The following PLD5 variants were observed in gnomAD, a reference collection of about 807,000 sequenced individuals.
The protein encoded by PLD5 is inactive phospholipase D5.
A neutral mutation model predicts 61.1 loss-of-function variants in PLD5; 36 were observed. The observed-to-expected ratio is 0.59, with a 90% CI of 0.45 to 0.78. PLD5 has a LOEUF of 0.78. PLD5 is among the 30% of genes least tolerant of loss of function. The pLI, the probability that PLD5 is intolerant of heterozygous loss-of-function variation, is 0.00. For synonymous variants in PLD5, 243 were observed against 242.8 expected (o/e 1.00, Z -0.01); for missense variants, 515 against 644.4 (o/e 0.80, Z 2.17).
chr1:242,506,936 C>T (rs1668742188), intron 1 of PLD5, among the ~76,000 whole-genome samples: 2 of 152,182 alleles, frequency 1.3e-5, no homozygotes, highest in Admixed American at 6.5e-5. Context: ...CAACGCGGTA[C>T]TAACGGTGAT....
intron 1 of PLD5, among the ~76,000 whole-genome samples, chr1:242,402,090 G>A (rs59825488): frequency 0.15 from 22,323 of 152,214 alleles, 1,729 homozygotes; most frequent in African/African-American, 0.2. Flanking sequence ...CAGTGTTGCT[G>A]AGAAAATGAC....
chr1:242,152,719 G>A (rs866279363), intron 5 of PLD5, among the ~76,000 whole-genome samples: 1 of 152,104 alleles, frequency 6.6e-6, no homozygotes, highest in African/African-American at 2.4e-5. Context: ...GTATTCCATG[G>A]TGTATATGTG....
intron 1 of PLD5, among the ~76,000 whole-genome samples, chr1:242,504,637 G>C (rs1668663067): frequency 6.6e-6 from 1 of 151,922 alleles, no homozygotes; most frequent in Admixed American, 6.6e-5. Flanking sequence ...GAAACTTATA[G>C]CTTACATTTA....
Position 242,394,262 on chromosome 1 carries a change from GTATGAGTATATATATGTGTATATA to G in PLD5, c.190-46044_190-46021del, listed in dbSNP as rs1463628459. 3.5e-4 allele frequency among the ~76,000 whole-genome samples: 28 copies of G among 81,108 alleles called. 4 individuals are homozygous for G. The highest frequency in any genetic ancestry group is 9.6e-3 in the Middle Eastern group (1 of 104). The allele number at this position is 81,108 out of a possible 152,430, so 53.2% of individuals were successfully genotyped here. A position where few individuals can be genotyped will look rare whatever the true frequency, so the allele number is the denominator to read the frequency against. The stretch of plus-strand genomic sequence containing the variant: ...AGTATATATATGTGTATATATATGA[GTATGAGTATATATATGTGTATATA>G]TATGAGTATATATATGAGTATATAT... On this transcript the variant is annotated intron_variant, in intron 1 of 9. Coordinates refer to ENST00000536534, the MANE Select transcript of PLD5 (RefSeq NM_001372062.1).
At chr1:242,135,664 A>G (rs1663661227) in intron 5 of PLD5, among the ~76,000 whole-genome samples, 1 of 151,948 alleles carries the variant, frequency 6.6e-6, no homozygotes, top group Non-Finnish European at 1.5e-5. Context: ...TTGGCATGAA[A>G]ATAGTTAACA....
intron 2 of PLD5, among the ~76,000 whole-genome samples, chr1:242,328,218 A>G (rs1217675425): frequency 1.3e-5 from 2 of 152,224 alleles, no homozygotes; most frequent in Non-Finnish European, 2.9e-5. Flanking sequence ...GATTCTCCAC[A>G]GGACACAACC....
At chr1:242,493,046 A>C (rs2102979258) in intron 1 of PLD5, among the ~76,000 whole-genome samples, 1 of 152,292 alleles carries the variant, frequency 6.6e-6, no homozygotes, top group African/African-American at 2.4e-5. Context: ...AAAGCAAGAA[A>C]CCAACCTGAC....
chr1:242,094,482 T>C (rs1180041762), intron 9 of PLD5, among the ~76,000 whole-genome samples: 3 of 152,184 alleles, frequency 2.0e-5, no homozygotes, highest in Non-Finnish European at 4.4e-5. Context: ...TTCTCAACTC[T>C]GCGTTCTCAG....
chr1:242,497,671 T>C (rs955572485), intron 1 of PLD5, among the ~76,000 whole-genome samples: 2 of 152,248 alleles, frequency 1.3e-5, no homozygotes, highest in Non-Finnish European at 1.5e-5. Context: ...AGAAATTAAA[T>C]GAGATAACAT....
chr1:242,283,142 A>G (rs1674814151), intron 3 of PLD5, among the ~76,000 whole-genome samples: 1 of 152,268 alleles, frequency 6.6e-6, no homozygotes, highest in Non-Finnish European at 1.5e-5. Flanking sequence ...AAAATAAAAA[A>G]GCACATATTC....
chr1:242,149,664 T>TAC (rs201893348), intron 5 of PLD5, among the ~76,000 whole-genome samples: 2,184 of 137,918 alleles, frequency 0.016, 27 homozygotes, highest in Non-Finnish European at 0.022. Context: ...TTAAGTTTTA[T>TAC]ACACATACAC....
intron 8 of PLD5, among the ~76,000 whole-genome samples, chr1:242,102,820 C>T (rs865978751): frequency 3.3e-4 from 50 of 152,126 alleles, no homozygotes; most frequent in East Asian, 5.8e-4. Context: ...TATAAAATGG[C>T]TATATGTGAA....
At chr1:242,454,554 T>A (rs1666888747) in intron 1 of PLD5, among the ~76,000 whole-genome samples, 1 of 152,156 alleles carries the variant, frequency 6.6e-6, no homozygotes, top group East Asian at 1.9e-4. Context: ...GCTAAGCATT[T>A]GCATATATGA....
rs906398153 is a variant in PLD5 at position 242,086,559 on chromosome 1, T to C, written c.*3295A>G. The C allele has an allele frequency of 6.6e-5, 10 of 152,000 alleles. No homozygotes were observed. The highest frequency in any genetic ancestry group is 2.2e-4 in the African/African-American group (9 of 41,348). The allele number at this position is 152,000 out of a possible 1,614,324, so 9.4% of individuals were successfully genotyped here. A position where few individuals can be genotyped will look rare whatever the true frequency, so the allele number is the denominator to read the frequency against. On this transcript the variant is annotated 3_prime_UTR_variant, in exon 10 of 10. Transcript: ENST00000536534. The stretch of plus-strand genomic sequence containing the variant: ...GGAGGCCCACAGTATTGATCTTTGA[T>C]GGTGTGTGCAATGATTTGATTTGGC...
At chr1:242,098,276 T>G (rs557112941) in intron 9 of PLD5, among the ~76,000 whole-genome samples, 5 of 152,362 alleles carry the variant, frequency 3.3e-5, no homozygotes, top group African/African-American at 1.2e-4. Context: ...TTCTTTTTTC[T>G]CTAAACTTCT....
At chr1:242,265,644 T>C (rs1458294880) in intron 3 of PLD5, among the ~76,000 whole-genome samples, 196 bp from the exon 4 acceptor site, 2 of 152,228 alleles carry the variant, frequency 1.3e-5, no homozygotes, top group Non-Finnish European at 2.9e-5. Context: ...TGAACACAGA[T>C]TGCACTTTTT....
chr1:242,097,906 C>T (rs1245040820), intron 9 of PLD5, among the ~76,000 whole-genome samples: 2 of 152,198 alleles, frequency 1.3e-5, no homozygotes, highest in Non-Finnish European at 2.9e-5. Flanking sequence ...TTTAATCCAT[C>T]TTGAATTGAT....
At chr1:242,486,477 C>T (rs1165874437) in intron 1 of PLD5, among the ~76,000 whole-genome samples, 3 of 152,076 alleles carry the variant, frequency 2.0e-5, no homozygotes, top group African/African-American at 7.2e-5. Flanking sequence ...TCATCACTGG[C>T]CATCAGAGAA....
At chr1:242,398,803 G>T (rs2580238) in intron 1 of PLD5, among the ~76,000 whole-genome samples, 1 of 152,000 alleles carries the variant, frequency 6.6e-6, no homozygotes, top group Non-Finnish European at 1.5e-5. Flanking sequence ...TTATTAAAAC[G>T]TCAGACTTGA....
Sources: allele counts gnomAD v4.1 joint callset (sites outside exome capture counted in the v4.1 genomes callset), GRCh38; gene constraint gnomAD v4.1.1; transcripts MANE v1.5; gene names NCBI Gene and HGNC (gene_info 2026-07-23, HGNC 2026-07-21).